CHODL: variants seen among roughly 807,000 people sequenced by gnomAD.
The protein encoded by CHODL is transmembrane protein MT75.
In CHODL, 29 loss-of-function variants were observed where a neutral mutation model predicts 34.5. The ratio of observed to expected loss-of-function variants is 0.84; its 90% CI spans 0.63 to 1.15. The LOEUF (loss-of-function observed/expected upper bound fraction) is 1.15. CHODL is among the 50% of genes most tolerant of loss of function. The pLI is 0.00. For synonymous variants in CHODL, 125 were observed against 116.1 expected, an observed-to-expected ratio of 1.08 and a Z score of -0.49; for missense variants, 332 against 332.5, an observed-to-expected ratio of 1.00 and a Z score of 0.01.
intron 2 of CHODL, among the ~76,000 whole-genome samples, chr21:18,036,050 A>G (rs2064305175): frequency 6.6e-6 from 1 of 151,978 alleles, no homozygotes; most frequent in African/African-American, 2.4e-5. Flanking sequence ...GTATTCTTGA[A>G]CTTTATTCTG....
chr21:18,221,594 G>C (rs772260913), intron 2 of CHODL, among the ~76,000 whole-genome samples: 1 of 152,102 alleles, frequency 6.6e-6, no homozygotes, highest in Non-Finnish European at 1.5e-5. Context: ...TTTTCTTCCT[G>C]GTTAGGTACC....
chr21:18,125,426 A>G (rs956490974), intron 2 of CHODL, among the ~76,000 whole-genome samples: 1 of 152,194 alleles, frequency 6.6e-6, no homozygotes, highest in African/African-American at 2.4e-5. Flanking sequence ...AATCAGAGTC[A>G]AATATAGAAT....
chr21:18,222,373 A>G (rs540532007), intron 2 of CHODL, among the ~76,000 whole-genome samples: 40 of 152,234 alleles, frequency 2.6e-4, no homozygotes, highest in African/African-American at 8.4e-4. Flanking sequence ...TCAGGGCAGG[A>G]TGTAGTCTAG....
intron 2 of CHODL, among the ~76,000 whole-genome samples, chr21:18,146,788 A>G (rs573793911): frequency 5.5e-4 from 84 of 152,328 alleles, no homozygotes; most frequent in African/African-American, 1.8e-3. Context: ...CCTTGTAACC[A>G]GTATTGTAAA....
At chr21:18,032,181 G>A (rs1467432410) in intron 2 of CHODL, among the ~76,000 whole-genome samples, 2 of 151,996 alleles carry the variant, frequency 1.3e-5, no homozygotes, top group Non-Finnish European at 2.9e-5. Context: ...ACAATGAATT[G>A]AATACTTGAA....
At chr21:18,096,316 A>G (rs1169444003) in intron 2 of CHODL, among the ~76,000 whole-genome samples, 1 of 152,188 alleles carries the variant, frequency 6.6e-6, no homozygotes, top group Non-Finnish European at 1.5e-5. Context: ...TGGGCATTCT[A>G]AAAAAGAACA....
chr21:18,001,914 C>A (rs2063910739), intron 1 of CHODL, among the ~76,000 whole-genome samples: 1 of 151,264 alleles, frequency 6.6e-6, no homozygotes, highest in Admixed American at 6.6e-5. Flanking sequence ...GTCTATTTTC[C>A]ATGTGTAGAA....
intron 1 of CHODL, among the ~76,000 whole-genome samples, chr21:18,024,346 A>G (rs1236365524): frequency 6.6e-6 from 1 of 152,198 alleles, no homozygotes; most frequent in Non-Finnish European, 1.5e-5. Context: ...TGGGCATAAC[A>G]GTGATGGAGA....
intron 2 of CHODL, among the ~76,000 whole-genome samples, chr21:18,220,843 A>G (rs2073876306): frequency 6.6e-6 from 1 of 151,880 alleles, no homozygotes; most frequent in Admixed American, 6.6e-5. Context: ...TTGGTTTTTG[A>G]CAGTTTGACT....
intron 2 of CHODL, among the ~76,000 whole-genome samples, chr21:18,223,459 T>A (rs1203310645): frequency 6.6e-6 from 1 of 152,182 alleles, no homozygotes; most frequent in Non-Finnish European, 1.5e-5. Context: ...ACTTACGATT[T>A]ACCAACCAGA....
chr21:18,159,157 G>A (rs2073067641), intron 2 of CHODL, among the ~76,000 whole-genome samples: 1 of 152,116 alleles, frequency 6.6e-6, no homozygotes, highest in African/African-American at 2.4e-5. Flanking sequence ...TAGAGGCCAG[G>A]GAGGCTGCCA....
chr21:18,191,253 T>C (rs1272805101), intron 2 of CHODL, among the ~76,000 whole-genome samples: 2 of 152,130 alleles, frequency 1.3e-5, no homozygotes, highest in Admixed American at 6.5e-5. Flanking sequence ...CTGTAGCAAT[T>C]TGTTATCTTA....
intron 2 of CHODL, among the ~76,000 whole-genome samples, chr21:18,078,094 G>A: frequency 6.6e-6 from 1 of 152,110 alleles, no homozygotes. Context: ...TTCTTTCTGT[G>A]CCTAGCCTTC....
At chr21:18,207,503 C>T (rs1483678819) in intron 2 of CHODL, among the ~76,000 whole-genome samples, 1 of 152,060 alleles carries the variant, frequency 6.6e-6, no homozygotes, top group Admixed American at 6.5e-5. Flanking sequence ...ATAACAATTA[C>T]AGTGCTATAA....
chr21:18,264,737 A>T (rs998985892), intron 5 of CHODL, among the ~76,000 whole-genome samples: 8 of 152,076 alleles, frequency 5.3e-5, no homozygotes, highest in Admixed American at 1.3e-4. Context: ...ACAGGCTGGA[A>T]ATGTGGGCCA....
At chr21:17,966,602 C>A (rs1163896403) in intron 1 of CHODL, among the ~76,000 whole-genome samples, 1 of 152,184 alleles carries the variant, frequency 6.6e-6, no homozygotes, top group East Asian at 1.9e-4. Flanking sequence ...GTGTAAGCCT[C>A]TGCACTTGTT....
intron 1 of CHODL, among the ~76,000 whole-genome samples, chr21:18,015,145 C>T (rs193200468): frequency 9.2e-5 from 14 of 152,256 alleles, no homozygotes; most frequent in Admixed American, 8.5e-4. Flanking sequence ...TGTGTCCCCA[C>T]CCAAATCTCC....
chr21:18,232,873 A>G (rs913352795), intron 2 of CHODL, among the ~76,000 whole-genome samples: 3 of 148,986 alleles, frequency 2.0e-5, no homozygotes, highest in Non-Finnish European at 3.0e-5. Flanking sequence ...CAAATTATAT[A>G]GTCAAAATAA....
intron 2 of CHODL, among the ~76,000 whole-genome samples, chr21:18,073,738 T>C (rs1297724341): frequency 6.6e-6 from 1 of 152,056 alleles, no homozygotes; most frequent in Non-Finnish European, 1.5e-5. Flanking sequence ...ATATTTTACC[T>C]GGCTTACCTC....
Sources: gnomAD v4.1 joint callset for allele counts (sites outside exome capture counted in the v4.1 genomes callset) on GRCh38, gnomAD v4.1.1 for gene constraint, MANE v1.5 for transcripts, NCBI Gene and HGNC (gene_info 2026-07-23, HGNC 2026-07-21) for gene names.